KCNIP4: variants seen among roughly 807,000 people sequenced by gnomAD.
The protein encoded by KCNIP4 is potassium voltage-gated channel interacting protein 4.
A neutral mutation model predicts 34.0 loss-of-function variants in KCNIP4; 12 were observed. The observed-to-expected ratio is 0.35, with a 90% CI of 0.23 to 0.57. The LOEUF (loss-of-function observed/expected upper bound fraction) is 0.57. Among genes scored for constraint, KCNIP4 ranks in the 20% least tolerant of loss-of-function variants. The pLI is 0.83. For missense variants in KCNIP4, 238 were observed against 311.7 expected, an observed-to-expected ratio of 0.76 and a Z score of 1.78; for synonymous variants, 124 against 102.2, an observed-to-expected ratio of 1.21 and a Z score of -1.29.
At chr4:21,112,592 G>T (rs769685841) in intron 1 of KCNIP4, among the ~76,000 whole-genome samples, 2 of 152,170 alleles carry the variant, frequency 1.3e-5, no homozygotes, top group Non-Finnish European at 2.9e-5. Flanking sequence ...TCAATGCTGT[G>T]ATTCTTGATA....
At chr4:21,690,591 C>T (rs1322785122) in intron 1 of KCNIP4, among the ~76,000 whole-genome samples, 1 of 152,150 alleles carries the variant, frequency 6.6e-6, no homozygotes, top group Non-Finnish European at 1.5e-5. Context: ...CCTGAGGCCT[C>T]ACCAGAAGCC....
At position 21,607,549 on chromosome 4, in the gene KCNIP4, A is replaced by T. The variant is rs1407365560; in HGVS notation, c.61+341022T>A. Among the ~76,000 whole-genome samples the T allele has an allele frequency of 6.6e-5, 10 of 151,970 alleles. No homozygotes were observed. The East Asian group carries it at 2.0e-3, about 30-fold the overall frequency. On this transcript the variant is annotated intron_variant, in intron 1 of 8. Coordinates refer to ENST00000382152, the MANE Select transcript of KCNIP4 (RefSeq NM_025221.6). ...GAGATCCCAGAATCAAATCAGGTGGACACTATTAGAAAGCACCCGATTTGA... is the reference window on the plus strand; with the variant it reads ...GAGATCCCAGAATCAAATCAGGTGGTCACTATTAGAAAGCACCCGATTTGA...
rs576639779 is a variant in KCNIP4, at chr4:21,476,542, G to GGTGGTGGCCT, written c.61+472028_61+472029insAGGCCACCAC. Among the ~76,000 whole-genome samples, 615 of 152,244 alleles carry GGTGGTGGCCT rather than the reference G, an allele frequency of 4.0e-3. 2 individuals carry two copies. The highest frequency in any genetic ancestry group is 7.3e-3 in the Non-Finnish European group (495 of 68,010). On this transcript the variant is annotated intron_variant, in intron 1 of 8. Coordinates refer to ENST00000382152, the MANE Select transcript of KCNIP4 (RefSeq NM_025221.6). ...AGGATGAGCCCTCACCAGTTGGCCA[G>GGTGGTGGCCT]CACCTTGATCTTGGACTTACACCGT...
chr4:21,217,530 C>T (rs142975089), intron 1 of KCNIP4, among the ~76,000 whole-genome samples: 7 of 152,176 alleles, frequency 4.6e-5, no homozygotes, highest in Non-Finnish European at 7.4e-5. Context: ...TTATAAAGTG[C>T]GCATTTAAAA....
At chr4:21,523,714 GGTGT>G (rs1253812919) in intron 1 of KCNIP4, among the ~76,000 whole-genome samples, 1 of 151,922 alleles carries the variant, frequency 6.6e-6, no homozygotes, top group Admixed American at 6.6e-5. Context: ...TGGGACTACA[GGTGT>G]GTGCCACCAC....
At chr4:21,717,381 A>G (rs1192597085) in intron 1 of KCNIP4, among the ~76,000 whole-genome samples, 1 of 151,930 alleles carries the variant, frequency 6.6e-6, no homozygotes, top group Non-Finnish European at 1.5e-5. Flanking sequence ...TATTATCTAT[A>G]TAATTTGCTA....
At chr4:21,222,183 G>A (rs906573819) in intron 1 of KCNIP4, among the ~76,000 whole-genome samples, 3 of 152,160 alleles carry the variant, frequency 2.0e-5, no homozygotes, top group African/African-American at 7.2e-5. Flanking sequence ...ACCCCAAAGA[G>A]ATAAGTGTTT....
chr4:20,983,993 G>C, intron 1 of KCNIP4: 3 of 1,521,628 alleles, frequency 2.0e-6, no homozygotes, highest in East Asian at 2.5e-5. Context: ...TTACAGAATC[G>C]TAGCAACGTC....
In KCNIP4 at chr4:21,268,420, C is replaced by T. The variant is rs114237006; in HGVS notation, c.62-385711G>A. The stretch of plus-strand genomic sequence containing the variant: ...GTTTATAAATATTTGTATAGGGATG[C>T]CACTTCCCGTTTTAATATTTTGTTA... On this transcript the variant is annotated intron_variant, in intron 1 of 8. Coordinates refer to ENST00000382152, the MANE Select transcript of KCNIP4 (RefSeq NM_025221.6). Among the ~76,000 whole-genome samples, 906 of 152,286 alleles carry T rather than the reference C, an allele frequency of 5.9e-3. 10 individuals are homozygous for T. The highest frequency in any genetic ancestry group is 0.021 in the African/African-American group (876 of 41,560).
chr4:21,872,887 G>T (rs1320759961), intron 1 of KCNIP4, among the ~76,000 whole-genome samples: 1 of 152,134 alleles, frequency 6.6e-6, no homozygotes, highest in Non-Finnish European at 1.5e-5. Context: ...CCATACAGCT[G>T]TCACAGAAAA....
rs1200360693 is a variant in KCNIP4, at chr4:21,233,985, CAT to C, written c.62-351278_62-351277del. Among the ~76,000 whole-genome samples the C allele has an allele frequency of 6.0e-5, 8 of 132,986 alleles. 1 individual carries two copies. In the East Asian group the frequency reaches 1.1e-3, roughly 17 times the overall value. The allele number at this position is 132,986 out of a possible 152,430, so 87.2% of individuals were successfully genotyped here. On this transcript the variant is annotated intron_variant, in intron 1 of 8. Coordinates refer to ENST00000382152, the MANE Select transcript of KCNIP4 (RefSeq NM_025221.6). ...AACATATATTATATAACATATATAACATATAACATGTATAATATATAACATAT... is the reference window on the plus strand; with the variant it reads ...AACATATATTATATAACATATATAACATAACATGTATAATATATAACATAT...
intron 1 of KCNIP4, among the ~76,000 whole-genome samples, chr4:21,948,354 T>G (rs1335365311): frequency 2.0e-5 from 3 of 152,008 alleles, no homozygotes; most frequent in Non-Finnish European, 4.4e-5. Context: ...TTCAAACATC[T>G]TTTCTTCCCC....
chr4:21,224,585 T>G (rs899879844), intron 1 of KCNIP4, among the ~76,000 whole-genome samples: 2 of 131,706 alleles, frequency 1.5e-5, no homozygotes, highest in Non-Finnish European at 3.2e-5. Context: ...ACTGTTTTTT[T>G]TTTTTTTTTT....
At chr4:21,457,893 T>C (rs1274775382) in intron 1 of KCNIP4, among the ~76,000 whole-genome samples, 2 of 152,098 alleles carry the variant, frequency 1.3e-5, no homozygotes, top group African/African-American at 4.8e-5. Flanking sequence ...TCTCTAATCA[T>C]GACCATCAGT....
At chr4:20,946,740 T>A (rs1560591455) in intron 1 of KCNIP4, among the ~76,000 whole-genome samples, 1 of 152,206 alleles carries the variant, frequency 6.6e-6, no homozygotes, top group African/African-American at 2.4e-5. Context: ...AACCTTCTTA[T>A]GAAGTTAAAA....
At chr4:20,959,650 CTTTTG>C (rs1269879440) in intron 1 of KCNIP4, among the ~76,000 whole-genome samples, 2 of 152,192 alleles carry the variant, frequency 1.3e-5, no homozygotes. Flanking sequence ...GTTGCTCTAT[CTTTTG>C]TTTTAATTAC....
At chr4:21,053,269 G>T (rs1577603830) in intron 1 of KCNIP4, among the ~76,000 whole-genome samples, 2 of 152,154 alleles carry the variant, frequency 1.3e-5, no homozygotes, top group African/African-American at 4.8e-5. Context: ...ATGCAAAGCT[G>T]AGAATATGGA....
At chr4:21,277,709 A>G (rs1762523113) in intron 1 of KCNIP4, among the ~76,000 whole-genome samples, 1 of 152,244 alleles carries the variant, frequency 6.6e-6, no homozygotes, top group African/African-American at 2.4e-5. Context: ...AATTTACAGA[A>G]AGACAAAGCA....
intron 1 of KCNIP4, among the ~76,000 whole-genome samples, chr4:21,651,520 T>C (rs564443913): frequency 6.6e-6 from 1 of 152,336 alleles, no homozygotes; most frequent in East Asian, 1.9e-4. Context: ...ATGGAAAATA[T>C]TCTAGCACAG....
Sources: allele counts gnomAD v4.1 joint callset (sites outside exome capture counted in the v4.1 genomes callset), GRCh38; gene constraint gnomAD v4.1.1; transcripts MANE v1.5; gene names NCBI Gene and HGNC (gene_info 2026-07-23, HGNC 2026-07-21).